ITPKB: variants seen among roughly 807,000 people sequenced by gnomAD.
The protein encoded by ITPKB is IP3 3-kinase B.
In ITPKB, 13 loss-of-function variants were observed where a neutral mutation model predicts 69.4. That is an observed-to-expected ratio of 0.19 (90% confidence interval 0.12 to 0.30). The LOEUF (loss-of-function observed/expected upper bound fraction) is 0.30. Ranked by LOEUF, ITPKB falls within the 10% of genes least tolerant of loss-of-function variation. The pLI, the probability that ITPKB is intolerant of heterozygous loss-of-function variation, is 1.00. For synonymous variants in ITPKB, 584 were observed against 513.7 expected, an observed-to-expected ratio of 1.14 and a Z score of -1.85; for missense variants, 1,240 against 1,250.5, an observed-to-expected ratio of 0.99 and a Z score of 0.13.
chr1:226,726,349 TGAA>T (rs1165002955), intron 2 of ITPKB, among the ~76,000 whole-genome samples: 2 of 152,198 alleles, frequency 1.3e-5, no homozygotes, highest in African/African-American at 4.8e-5. Flanking sequence ...ATGATGATGA[TGAA>T]GGAGAAAGGT....
rs764744037 is a variant in ITPKB at position 226,637,778 on chromosome 1, T to A, written c.2554-28A>T. 3.2e-6 allele frequency: 5 copies of A among 1,578,724 alleles called. No individual in the cohort carries two copies. The Admixed American group carries it at 8.4e-5, about 27-fold the overall frequency. On this transcript the variant is annotated intron_variant, in intron 6 of 7. Coordinates refer to ENST00000429204, the MANE Select transcript of ITPKB (RefSeq NM_002221.4). This position sits in a 1 kb window ranked among gnomAD's most constrained non-coding sequence, Gnocchi z 4.3. ...GGGAATAGAAAGAGGACCAGATTTT[T>A]AAGCGCCGCGTGGGGAAGGGCAGTG... is the stretch of plus-strand genomic sequence containing the variant.
intron 2 of ITPKB, among the ~76,000 whole-genome samples, chr1:226,718,866 G>A (rs1657160511): frequency 6.6e-6 from 1 of 152,234 alleles, no homozygotes; most frequent in Non-Finnish European, 1.5e-5. Flanking sequence ...GCACTCCTGA[G>A]CATTTATCAC....
intron 3 of ITPKB, among the ~76,000 whole-genome samples, chr1:226,648,361 C>T (rs1344777924): frequency 6.6e-6 from 1 of 152,132 alleles, no homozygotes; most frequent in Non-Finnish European, 1.5e-5. Context: ...CTTCATCTGT[C>T]TTATTGAATA....
chr1:226,699,241 G>A (rs1416815649), intron 2 of ITPKB, among the ~76,000 whole-genome samples: 1 of 152,240 alleles, frequency 6.6e-6, no homozygotes, highest in Non-Finnish European at 1.5e-5. Flanking sequence ...ATAGAGAAAG[G>A]AAAGGTGCAA....
chr1:226,639,643 C>T lies in ITPKB; in HGVS notation c.2467G>A (p.Val823Met), dbSNP rs1668909805. The T allele has an allele frequency of 4.3e-6, 7 of 1,613,132 alleles. No individual in the cohort carries two copies. The highest frequency in any genetic ancestry group is 5.9e-6 in the Non-Finnish European group (7 of 1,179,062). The change falls in exon 6 of 8, where the codon GTG becomes ATG. Residue 823 changes from valine (V) to methionine (M), a missense_variant. By Grantham distance (21) the Val-to-Met change is conservative. Transcript: ENST00000429204. ...TTGGTCTTCTTGAAGTCCCGGTTCA[C>T]GGTGCCGTCTTCTTTCTGAGAAAGA... ...IEGIKKEDGTVNRDFKKTKTR... is the reference protein window; with the variant it reads ...IEGIKKEDGTMNRDFKKTKTR...
chr1:226,734,895 A>G (rs142338772), intron 2 of ITPKB, among the ~76,000 whole-genome samples: 346 of 152,344 alleles, frequency 2.3e-3, no homozygotes, highest in African/African-American at 8.2e-3. Context: ...TATGGTTTTC[A>G]TTTAATTCAT....
rs986134903 is a variant in ITPKB, at chr1:226,637,889, AGCAGGGCTGCTGT to A, written c.2554-152_2554-140del. The A allele has an allele frequency of 9.1e-5, 61 of 670,034 alleles. No individual in the cohort carries two copies. The highest frequency in any genetic ancestry group is 1.8e-4 in the Admixed American group (8 of 43,820). The allele number at this position is 670,034 out of a possible 1,614,324, so 41.5% of individuals were successfully genotyped here. A position where few individuals can be genotyped will look rare whatever the true frequency, so the allele number is the denominator to read the frequency against. On this transcript the variant is annotated intron_variant, in intron 6 of 7. Transcript: ENST00000429204. The surrounding 1 kb of genome is among the most constrained non-coding windows in gnomAD (Gnocchi z 4.3). ...GGACATCTAGAGGCAGCTTCCTGCG[AGCAGGGCTGCTGT>A]GGCGTCTTTCTCAGCATAAATGTCA... is the stretch of plus-strand genomic sequence containing the variant.
In ITPKB at chr1:226,647,240, G is replaced by A. The variant is rs1400865402; in HGVS notation, c.2173C>T (p.Arg725Cys). Reference sequence around the variant, plus strand: ...AGCAGGTCGTCCATCTGGTTGTAGCGCTCCCCGTCCTTCACCACATCCCCA... The same window carrying A: ...AGCAGGTCGTCCATCTGGTTGTAGCACTCCCCGTCCTTCACCACATCCCCA... ...YHGDVVKDGERYNQMDDLLAD... is the reference protein window; with the variant it reads ...YHGDVVKDGECYNQMDDLLAD... Residue 725 changes from arginine to cysteine, a missense_variant, in exon 4 of 8, where the codon CGC becomes TGC. Transcript: ENST00000429204. 4 of 1,614,086 alleles carry A rather than the reference G, an allele frequency of 2.5e-6. No individual in the cohort carries two copies. Among genetic ancestry groups the A allele is most frequent in the African/African-American group, 1.3e-5 (1 of 74,920 alleles).
chr1:226,667,084 C>T (rs1426994142), intron 2 of ITPKB, among the ~76,000 whole-genome samples: 1 of 152,220 alleles, frequency 6.6e-6, no homozygotes, highest in East Asian at 1.9e-4. Flanking sequence ...ATCACCTCCT[C>T]TTTGCACTTT....
At chr1:226,732,703 A>G (rs1657628402) in intron 2 of ITPKB, among the ~76,000 whole-genome samples, 1 of 152,202 alleles carries the variant, frequency 6.6e-6, no homozygotes, top group South Asian at 2.1e-4. Context: ...ATAGGGAAGT[A>G]AACAACCGCT....
intron 2 of ITPKB, among the ~76,000 whole-genome samples, chr1:226,650,859 C>T (rs1393358728): frequency 6.6e-6 from 1 of 152,232 alleles, no homozygotes; most frequent in African/African-American, 2.4e-5. Context: ...GAGGGACAGA[C>T]AGCTGGTATA....
At chr1:226,718,818 A>G (rs1657158946) in intron 2 of ITPKB, among the ~76,000 whole-genome samples, 1 of 152,240 alleles carries the variant, frequency 6.6e-6, no homozygotes, top group South Asian at 2.1e-4. Flanking sequence ...TTCGTAAAAT[A>G]TGAAATGAAT....
rs1191023981 is a variant in ITPKB at position 226,736,089 on chromosome 1, G to A, written c.1370C>T (p.Pro457Leu). The change falls in exon 2 of 8, where the codon CCC (proline) becomes CTC (leucine). Residue 457 changes from proline to leucine, a missense_variant. Physicochemically the swap from Pro to Leu is moderately conservative, Grantham distance 98. Around this residue, in one of 2 missense-constraint regions of ITPKB, gnomAD observed 992 missense variants for 853.8 expected, o/e 1.16. Transcript: ENST00000429204. ...ATTCCCGGTCCCCGGCTGTGCTGAG[G>A]GGCTGCCCCCAAGCAAGCCCAGCGT... ...SPTLGLLGGS[P>L]SAQPGTGNVE... 5.6e-6 allele frequency: 9 copies of A among 1,609,940 alleles called. 1 individual carries two copies. In the Admixed American group the frequency reaches 1.3e-4, roughly 24 times the overall value.
At chr1:226,709,688 G>A (rs938144105) in intron 2 of ITPKB, among the ~76,000 whole-genome samples, 2 of 152,124 alleles carry the variant, frequency 1.3e-5, no homozygotes, top group African/African-American at 4.8e-5. Flanking sequence ...GGGGACCAAC[G>A]GTGAGAAGCG....
intron 2 of ITPKB, among the ~76,000 whole-genome samples, chr1:226,731,039 T>C (rs984324518): frequency 1.3e-5 from 2 of 152,250 alleles, no homozygotes; most frequent in African/African-American, 4.8e-5. Context: ...TAGCAACGCT[T>C]AGAATCAATC....
chr1:226,683,880 G>T (rs1469223174), intron 2 of ITPKB, among the ~76,000 whole-genome samples: 1 of 152,060 alleles, frequency 6.6e-6, no homozygotes, highest in Admixed American at 6.6e-5. Context: ...TCACTTTAAA[G>T]AAATGAAGGT....
rs754775076 is a variant in ITPKB at position 226,642,166 on chromosome 1, G to A, written c.2247-41C>T. On this transcript the variant is annotated intron_variant, in intron 4 of 7. Coordinates refer to ENST00000429204, the MANE Select transcript of ITPKB (RefSeq NM_002221.4). This position sits in a 1 kb window ranked among gnomAD's most constrained non-coding sequence, Gnocchi z 6.4. Reference sequence around the variant, plus strand: ...GGCGACATGAGGGCCGAGGCCTGGGGCAGGGCTCACCAGCAGCTCCTTTCC... The same window carrying A: ...GGCGACATGAGGGCCGAGGCCTGGGACAGGGCTCACCAGCAGCTCCTTTCC... 5 of 1,536,796 alleles carry A rather than the reference G, an allele frequency of 3.3e-6. No homozygotes were observed.
rs570178109 is a variant in ITPKB at position 226,707,572 on chromosome 1, T to C, written c.1932+27955A>G. The C allele has an allele frequency of 7.1e-6, 7 of 985,964 alleles. No individual in the cohort carries two copies. In the East Asian group the frequency reaches 6.8e-4, roughly 96 times the overall value. 61.1% of individuals were successfully genotyped at this position (985,964 alleles called of 1,614,324 possible). A position where few individuals can be genotyped will look rare whatever the true frequency, so the allele number is the denominator to read the frequency against. ...ATTAAGTAACTGACAGCTTACTATA[T>C]AAAATGCCATCAACATGTTCGGGCA... On this transcript the variant is annotated intron_variant, in intron 2 of 7. Coordinates refer to ENST00000429204, the MANE Select transcript of ITPKB (RefSeq NM_002221.4).
At position 226,737,099 on chromosome 1, in the gene ITPKB, G is replaced by A. The variant is rs756183393; in HGVS notation, c.360C>T (p.Ser120=). The A allele has an allele frequency of 9.3e-6, 15 of 1,607,466 alleles. No homozygotes were observed. In the East Asian group the frequency reaches 1.8e-4, roughly 19 times the overall value. ...TCTTGGCCTCCTCCGGCCCTGGCGG[G>A]GAGAGGGTACCGGCTGCCACCACCT... is the stretch of plus-strand genomic sequence containing the variant. The part of the protein sequence containing the change: ...RQQVVAAGTL[S]PPGPEEAKRK... Residue 120 remains serine, a synonymous_variant, in exon 2 of 8, where the codon TCC becomes TCT. Coordinates refer to ENST00000429204, the MANE Select transcript of ITPKB (RefSeq NM_002221.4).
Sources: allele counts gnomAD v4.1 joint callset (sites outside exome capture counted in the v4.1 genomes callset), GRCh38; gene constraint gnomAD v4.1.1; regional missense constraint gnomAD v4.1.1; non-coding constraint Gnocchi (gnomAD v3.1); transcripts MANE v1.5; gene names NCBI Gene and HGNC (gene_info 2026-07-23, HGNC 2026-07-21).